The following ITGB2 variants were observed in gnomAD, a reference collection of about 807,000 sequenced individuals.
The protein encoded by ITGB2 is integrin beta-2.
A neutral mutation model predicts 86.8 loss-of-function variants in ITGB2; 56 were observed. The ratio of observed to expected loss-of-function variants is 0.65; its 90% CI spans 0.52 to 0.81. The LOEUF (loss-of-function observed/expected upper bound fraction) is 0.81. Ranked by LOEUF, ITGB2 falls within the 30% of genes least tolerant of loss-of-function variation. The pLI, the probability that ITGB2 is intolerant of heterozygous loss-of-function variation, is 0.00. For synonymous variants in ITGB2, 457 were observed against 450.4 expected (o/e 1.01, Z -0.19); for missense variants, 948 against 1,061.2 (o/e 0.89, Z 1.48).
At chr21:44,910,680 T>A in intron 2 of ITGB2, 45 bp downstream of exon 2, 1 of 1,599,438 alleles carries the variant, frequency 6.3e-7, no homozygotes, top group Admixed American at 1.7e-5. Flanking sequence ...TCTCCCTGAT[T>A]GGAATGTCAC....
intron 7 of ITGB2, 143 bp downstream of exon 7, chr21:44,900,177 G>T: frequency 8.8e-7 from 1 of 1,138,918 alleles, no homozygotes; most frequent in Non-Finnish European, 1.3e-6. Context: ...ACCCCACGCT[G>T]CCACTTGGGG....
chr21:44,915,846 G>A (rs11702367), intron 1 of ITGB2, among the ~76,000 whole-genome samples: 21,393 of 152,182 alleles, frequency 0.14, 1,866 homozygotes, highest in Admixed American at 0.23. Context: ...CTGCAAAAGC[G>A]TATTTTCCCA....
At chr21:44,908,737 G>A (rs1479744030) in intron 3 of ITGB2, among the ~76,000 whole-genome samples, 1 of 152,210 alleles carries the variant, frequency 6.6e-6, no homozygotes, top group Non-Finnish European at 1.5e-5. Flanking sequence ...CAACGGTGCT[G>A]GAGCCCAGAC....
Position 44,886,759 on chromosome 21 carries a change from T to C in ITGB2, c.2224A>G (p.Lys742Glu). ...ACATTGTTCCACTGGGACTTGAGCT[T>C]CTCCTTCTCAAAGCGCCTGTACTCC... ...LREYRRFEKE[K>E]LKSQWNNDNP... is the part of the protein sequence containing the mutation. The change falls in exon 15 of 16, where the codon AAG (lysine) becomes GAG (glutamate). Residue 742 changes from lysine to glutamate, a missense_variant. Lys to Glu is a moderately conservative substitution (Grantham distance 56). Coordinates refer to ENST00000652462, the MANE Select transcript of ITGB2 (RefSeq NM_000211.5). 6.2e-7 allele frequency: 1 copy of C among 1,613,824 alleles called. No individual in the cohort carries two copies. The highest frequency in any genetic ancestry group is 8.5e-7 in the Non-Finnish European group (1 of 1,179,952).
intron 14 of ITGB2, among the ~76,000 whole-genome samples, chr21:44,888,146 G>T (rs1206783431): frequency 6.8e-6 from 1 of 147,462 alleles, no homozygotes; most frequent in Non-Finnish European, 1.5e-5. Flanking sequence ...GGAGCCGAAT[G>T]AGACAGGGTC....
intron 8 of ITGB2, 88 bp downstream of exon 8, chr21:44,898,979 G>A: frequency 9.5e-7 from 1 of 1,051,374 alleles, no homozygotes; most frequent in African/African-American, 1.6e-5. Flanking sequence ...ATGCAGAGGT[G>A]GCGCTCAGAC....
intron 13 of ITGB2, 74 bp downstream of exon 13, chr21:44,889,202 G>C: frequency 6.8e-7 from 1 of 1,476,666 alleles, no homozygotes; most frequent in Non-Finnish European, 9.4e-7. Flanking sequence ...GGGTCCCCGA[G>C]TGAGCCCGGC....
chr21:44,889,858 A>G (rs2083759841), intron 12 of ITGB2, 120 bp downstream of exon 12: 1 of 1,430,130 alleles, frequency 7.0e-7, no homozygotes, highest in South Asian at 1.2e-5. Context: ...CGAGACTTGC[A>G]CTGTCTGTCC....
chr21:44,928,707 A>G (rs2084407860), exon 1 of ITGB2: 2 of 167,492 alleles, frequency 1.2e-5, no homozygotes, highest in Admixed American at 1.3e-4. Context: ...AAAGCATGCC[A>G]CTCTTCTTTC....
intron 3 of ITGB2, chr21:44,908,228 G>A (rs750293960): frequency 3.0e-6 from 2 of 670,478 alleles, no homozygotes; most frequent in African/African-American, 1.8e-5. Context: ...TGACGGTAAG[G>A]AATGAGACAC....
chr21:44,908,040 G>A (rs2146541197), intron 3 of ITGB2: 1 of 717,370 alleles, frequency 1.4e-6, no homozygotes, highest in South Asian at 1.5e-5. Flanking sequence ...GAAAGGGGAG[G>A]GAAAAAACCC....
chr21:44,899,745 T>C (rs1298652569), intron 7 of ITGB2, among the ~76,000 whole-genome samples: 1 of 152,210 alleles, frequency 6.6e-6, no homozygotes, highest in Non-Finnish European at 1.5e-5. Context: ...CTCTGAGCCA[T>C]TGAGATGCCT....
chr21:44,918,776 T>C (rs1224268625), intron 1 of ITGB2, among the ~76,000 whole-genome samples: 4 of 152,120 alleles, frequency 2.6e-5, no homozygotes, highest in Non-Finnish European at 2.9e-5. Flanking sequence ...CACCCTGTGG[T>C]TCAGGTGAGA....
intron 12 of ITGB2, 152 bp downstream of exon 12, chr21:44,889,826 C>T (rs2083759038): frequency 8.4e-7 from 1 of 1,185,924 alleles, no homozygotes; most frequent in Admixed American, 1.8e-5. Flanking sequence ...ATCCAAGTTC[C>T]TGCTGACGCC....
intron 7 of ITGB2, among the ~76,000 whole-genome samples, chr21:44,899,576 C>T (rs1051487272): frequency 6.6e-6 from 1 of 152,186 alleles, no homozygotes; most frequent in Non-Finnish European, 1.5e-5. Context: ...TGGCTCCCGG[C>T]GGAGGACCTG....
At chr21:44,888,362 C>T (rs2083728943) in intron 14 of ITGB2, among the ~76,000 whole-genome samples, 2 of 152,374 alleles carry the variant, frequency 1.3e-5, no homozygotes, top group Admixed American at 1.3e-4. Flanking sequence ...AGCCTTGCCC[C>T]ATGAGGCATC....
chr21:44,888,647 A>T lies in ITGB2; in HGVS notation c.2080+46T>A, dbSNP rs764598463. 23 of 1,591,354 alleles carry T rather than the reference A, an allele frequency of 1.4e-5. No homozygotes were observed. The South Asian group carries it at 2.1e-4, about 14-fold the overall frequency. ...ACCCTCGCCTCTGCGGAGACCCCGC[A>T]GCCGGAGCTCTGGAGCCGGTCCCCG... On this transcript the variant is annotated intron_variant, in intron 14 of 15. Transcript: ENST00000652462.
At position 44,889,803 on chromosome 21, in the gene ITGB2, G is replaced by A. The variant is rs942563004; in HGVS notation, c.1657+175C>T. On this transcript the variant is annotated intron_variant, in intron 12 of 15. Coordinates refer to ENST00000652462, the MANE Select transcript of ITGB2 (RefSeq NM_000211.5). ...ATGGACACAGAAACTGAGGCAGGGC[G>A]GGGTGCAGGGCCATCCAAGTTCCTG... Among the ~76,000 whole-genome samples the A allele has an allele frequency of 5.3e-5, 8 of 152,188 alleles. No individual in the cohort carries two copies. In the East Asian group the frequency reaches 5.8e-4, roughly 11 times the overall value.
At chr21:44,904,469 C>T (rs1253437936) in intron 4 of ITGB2, among the ~76,000 whole-genome samples, 1 of 151,794 alleles carries the variant, frequency 6.6e-6, no homozygotes, top group Non-Finnish European at 1.5e-5. Context: ...ACATGGCACC[C>T]ACACACAGCA....
Sources: allele counts gnomAD v4.1 joint callset (sites outside exome capture counted in the v4.1 genomes callset), GRCh38; gene constraint gnomAD v4.1.1; transcripts MANE v1.5; gene names NCBI Gene and HGNC (gene_info 2026-07-23, HGNC 2026-07-21).